Variants in PPP3CA observed in about 807,000 individuals in gnomAD.
PPP3CA encodes the protein CAM-PRP catalytic subunit.
In PPP3CA, 14 loss-of-function variants were observed where a neutral mutation model predicts 66.5. The ratio of observed to expected loss-of-function variants is 0.21; its 90% CI spans 0.14 to 0.33. The LOEUF (loss-of-function observed/expected upper bound fraction) is 0.33, where lower values mean the gene tolerates loss of function less well. Among genes scored for constraint, PPP3CA ranks in the 10% least tolerant of loss-of-function variants. The pLI, the probability that PPP3CA is intolerant of heterozygous loss-of-function variation, is 1.00. For missense variants in PPP3CA, 317 were observed against 639.5 expected (o/e 0.50, Z 5.44); for synonymous variants, 232 against 226.2 (o/e 1.03, Z -0.23).
chr4:101,248,915 C>T (rs1322264588), intron 1 of PPP3CA, among the ~76,000 whole-genome samples: 3 of 151,396 alleles, frequency 2.0e-5, no homozygotes, highest in Non-Finnish European at 4.4e-5. Flanking sequence ...AATCCCAACA[C>T]TTTGGGAGGC....
At chr4:101,067,270 C>T (rs1291022355) in intron 8 of PPP3CA, among the ~76,000 whole-genome samples, 3 of 152,058 alleles carry the variant, frequency 2.0e-5, no homozygotes, top group Non-Finnish European at 4.4e-5. Context: ...TTTTATAGTA[C>T]CTGTAGAACC....
chr4:101,296,644 T>C (rs1210194906), intron 1 of PPP3CA, among the ~76,000 whole-genome samples: 1 of 152,290 alleles, frequency 6.6e-6, no homozygotes, highest in South Asian at 2.1e-4. Flanking sequence ...GAGTATGTTA[T>C]GTCATTTAAG....
intron 1 of PPP3CA, among the ~76,000 whole-genome samples, chr4:101,319,575 G>A (rs77572822): frequency 0.011 from 1,652 of 152,194 alleles, 17 homozygotes; most frequent in Non-Finnish European, 0.019. Flanking sequence ...GGGCAGATTA[G>A]ATGATATGAA....
intron 2 of PPP3CA, among the ~76,000 whole-genome samples, chr4:101,160,112 T>C (rs190832799): frequency 5.3e-5 from 8 of 152,254 alleles, no homozygotes; most frequent in Non-Finnish European, 8.8e-5. Context: ...TATAAAAGTA[T>C]GGTTGGTGCA....
Position 101,332,785 on chromosome 4 carries a change from T to C in PPP3CA, c.58+13954A>G, listed in dbSNP as rs115805552. On this transcript the variant is annotated intron_variant, in intron 1 of 13. Coordinates refer to ENST00000394854, the MANE Select transcript of PPP3CA (RefSeq NM_000944.5). ...GTAAGAAAAATGGGTTCAAGATGGT[T>C]ACATGACTTGCCCATGGACACACAG... Among the ~76,000 whole-genome samples the C allele has an allele frequency of 8.6e-3, 1,305 of 152,288 alleles. 18 individuals carry two copies. Among genetic ancestry groups the C allele is most frequent in the Middle Eastern group, 0.031 (9 of 294 alleles).
chr4:101,184,818 A>G (rs930537894), intron 2 of PPP3CA, among the ~76,000 whole-genome samples: 2 of 152,140 alleles, frequency 1.3e-5, no homozygotes, highest in African/African-American at 2.4e-5. Context: ...GCTAATTACC[A>G]TTCTTTAGCA....
chr4:101,262,423 A>AT (rs1401925232), intron 1 of PPP3CA, among the ~76,000 whole-genome samples: 1 of 152,084 alleles, frequency 6.6e-6, no homozygotes, highest in Non-Finnish European at 1.5e-5. Context: ...ATTTGTATTT[A>AT]TTTTTTGTCT....
intron 1 of PPP3CA, 84 bp downstream of exon 1, chr4:101,346,655 G>GA: frequency 2.6e-6 from 3 of 1,136,938 alleles, no homozygotes; most frequent in Non-Finnish European, 3.9e-6. Context: ...TGGGGCGGGG[G>GA]AGGGGAGGAA....
At chr4:101,291,244 T>G (rs570896867) in intron 1 of PPP3CA, among the ~76,000 whole-genome samples, 1 of 152,138 alleles carries the variant, frequency 6.6e-6, no homozygotes, top group Non-Finnish European at 1.5e-5. Context: ...CTAATAGGAG[T>G]AATCTTTGGG....
At chr4:101,156,485 A>C (rs1043949796) in intron 2 of PPP3CA, among the ~76,000 whole-genome samples, 2 of 152,200 alleles carry the variant, frequency 1.3e-5, no homozygotes, top group Non-Finnish European at 2.9e-5. Flanking sequence ...GTTCGAGACC[A>C]GCCTGACCAA....
At chr4:101,155,084 G>A (rs866922780) in intron 2 of PPP3CA, among the ~76,000 whole-genome samples, 1 of 151,956 alleles carries the variant, frequency 6.6e-6, no homozygotes. Flanking sequence ...CAAAGTGCTG[G>A]GATTACGGGC....
At chr4:101,059,691 AT>A (rs1034698756) in intron 10 of PPP3CA, among the ~76,000 whole-genome samples, 154 of 152,198 alleles carry the variant, frequency 1.0e-3, no homozygotes, top group African/African-American at 3.3e-3. Flanking sequence ...AAAGGTATAC[AT>A]TTTATCCATT....
intron 2 of PPP3CA, among the ~76,000 whole-genome samples, chr4:101,122,281 T>C (rs1364464708): frequency 6.6e-6 from 1 of 152,214 alleles, no homozygotes; most frequent in Admixed American, 6.5e-5. Context: ...GCTTCAAGTA[T>C]GTTCTGTGGA....
chr4:101,241,761 T>C (rs1427259805), intron 1 of PPP3CA, among the ~76,000 whole-genome samples: 2 of 152,132 alleles, frequency 1.3e-5, no homozygotes, highest in Non-Finnish European at 1.5e-5. Flanking sequence ...CTAGATAATA[T>C]ACCAAAAATC....
At chr4:101,227,369 TCA>T (rs1166750636) in intron 1 of PPP3CA, among the ~76,000 whole-genome samples, 1 of 151,754 alleles carries the variant, frequency 6.6e-6, no homozygotes. Context: ...TGTAGTATTA[TCA>T]CATATAGGAG....
chr4:101,235,021 T>C (rs905818128), intron 1 of PPP3CA, among the ~76,000 whole-genome samples: 2 of 151,744 alleles, frequency 1.3e-5, no homozygotes, highest in African/African-American at 2.4e-5. Context: ...CAATCATATA[T>C]ATATACACAC....
chr4:101,159,821 T>C (rs1252922212), intron 2 of PPP3CA, among the ~76,000 whole-genome samples: 3 of 152,088 alleles, frequency 2.0e-5, no homozygotes, highest in South Asian at 4.1e-4. Context: ...CTAAAATAGG[T>C]ATCAACCAGC....
At chr4:101,284,347 G>GGT (rs1438968676) in intron 1 of PPP3CA, among the ~76,000 whole-genome samples, 3 of 151,892 alleles carry the variant, frequency 2.0e-5, no homozygotes, top group African/African-American at 7.3e-5. Context: ...ACACCTCCTG[G>GGT]GTCACAGAAT....
chr4:101,028,325 CTT>C (rs1446128162), intron 13 of PPP3CA, among the ~76,000 whole-genome samples: 1 of 152,108 alleles, frequency 6.6e-6, no homozygotes, highest in Admixed American at 6.5e-5. Flanking sequence ...ATGCAGTTCT[CTT>C]ATAACTATAT....
Sources: gnomAD v4.1 joint callset for allele counts (sites outside exome capture counted in the v4.1 genomes callset) on GRCh38, gnomAD v4.1.1 for gene constraint, MANE v1.5 for transcripts, NCBI Gene and HGNC (gene_info 2026-07-23, HGNC 2026-07-21) for gene names.